VEZF1: variants seen among roughly 807,000 people sequenced by gnomAD.
VEZF1 encodes the protein putative transcription factor DB1.
VEZF1 carries 5 observed loss-of-function variants against 44.1 expected under a neutral mutation model. The observed-to-expected ratio is 0.11, with a 90% CI of 0.06 to 0.24. VEZF1 has a LOEUF of 0.24. Ranked by LOEUF, VEZF1 falls within the 10% of genes least tolerant of loss-of-function variation. The pLI, the probability that VEZF1 is intolerant of heterozygous loss-of-function variation, is 1.00. For synonymous variants in VEZF1, 236 were observed against 233.1 expected, an observed-to-expected ratio of 1.01 and a Z score of -0.11; for missense variants, 358 against 641.8, an observed-to-expected ratio of 0.56 and a Z score of 4.78.
Position 57,974,632 on chromosome 17 carries a change from G to A in VEZF1, c.1407C>T (p.Pro469=), listed in dbSNP as rs756981295. 36 of 1,614,110 alleles carry A rather than the reference G, an allele frequency of 2.2e-5. No individual in the cohort carries two copies. Among genetic ancestry groups the A allele is most frequent in the Middle Eastern group, 3.3e-4 (2 of 6,054 alleles). ...TLTTPVNLPT[P]VTAPVNIAHP... ...GTGCTATATTCACTGGGGCAGTGAC[G>A]GGGGTGGGGAGGTTGACTGGGGTAG... Residue 469 remains proline (P), a synonymous_variant, in exon 6 of 6, where the codon CCC becomes CCT. Transcript: ENST00000581208.
chr17:57,987,881 C>T (rs768015151), intron 1 of VEZF1, among the ~76,000 whole-genome samples, 198 bp downstream of exon 1: 19 of 151,796 alleles, frequency 1.3e-4, no homozygotes, highest in Admixed American at 7.2e-4. Context: ...GCTATCTCCC[C>T]CGCACCCCGT....
At chr17:57,975,657 G>A (rs2075182965) in intron 5 of VEZF1, among the ~76,000 whole-genome samples, 1 of 152,168 alleles carries the variant, frequency 6.6e-6, no homozygotes, top group Non-Finnish European at 1.5e-5. Flanking sequence ...TGTTTCTGAT[G>A]TTGACACAAT....
intron 1 of VEZF1, chr17:57,985,213 C>CT: frequency 8.3e-7 from 1 of 1,205,708 alleles, no homozygotes; most frequent in African/African-American, 1.6e-5. Context: ...TTTTTCAACT[C>CT]TAAACAACCA....
At chr17:57,987,461 G>T (rs1005970804) in intron 1 of VEZF1, among the ~76,000 whole-genome samples, 1 of 152,216 alleles carries the variant, frequency 6.6e-6, no homozygotes, top group African/African-American at 2.4e-5. Flanking sequence ...CCCCCCAACT[G>T]GGTAAACACG....
chr17:57,977,339 C>G (rs2075202072), intron 5 of VEZF1, among the ~76,000 whole-genome samples: 1 of 151,948 alleles, frequency 6.6e-6, no homozygotes, highest in Non-Finnish European at 1.5e-5. Context: ...CTTGCCCAGG[C>G]TGGTCTCAAA....
Position 57,973,562 on chromosome 17 carries a change from A to G in VEZF1, c.*911T>C, listed in dbSNP as rs1032005998. 2 of 152,580 alleles carry G rather than the reference A, an allele frequency of 1.3e-5. No homozygotes were observed. The highest frequency in any genetic ancestry group is 2.9e-5 in the Non-Finnish European group (2 of 68,032). 9.5% of individuals were successfully genotyped at this position (152,580 alleles called of 1,614,324 possible). ...GAGAGAGAGGGGCATATCACATCCC[A>G]GTGCCTCCAGCGTCTTCCAATTTAA... On this transcript the variant is annotated 3_prime_UTR_variant, in exon 6 of 6. Transcript: ENST00000581208.
intron 1 of VEZF1, chr17:57,985,181 A>C (rs748041532): frequency 3.3e-4 from 329 of 990,216 alleles, no homozygotes; most frequent in Non-Finnish European, 4.1e-4. Context: ...GACAAAGTTC[A>C]GACTTATAGC....
At chr17:57,975,817 A>T (rs962517263) in intron 5 of VEZF1, among the ~76,000 whole-genome samples, 5 of 152,048 alleles carry the variant, frequency 3.3e-5, no homozygotes, top group African/African-American at 4.8e-5. Context: ...TTTTTTTCTG[A>T]GACAGGGTCT....
chr17:57,974,854 C>A lies in VEZF1; in HGVS notation c.1185G>T (p.Val395=). Residue 395 remains valine (V), a synonymous_variant, in exon 6 of 6, where the codon GTG becomes GTT. Transcript: ENST00000581208. ...CQTSTAATTP[V]TLTTPFSITS... is the part of the protein sequence containing the mutation. The stretch of plus-strand genomic sequence containing the variant: ...TTATACTGAATGGAGTAGTGAGAGT[C>A]ACAGGTGTCGTAGCAGCCGTGGAGG... The A allele has an allele frequency of 6.2e-7, 1 of 1,614,118 alleles. No homozygotes were observed. The highest frequency in any genetic ancestry group is 1.1e-5 in the South Asian group (1 of 91,068).
chr17:57,980,511 AG>A (rs1453203084), intron 4 of VEZF1, 91 bp downstream of exon 4: 1 of 1,259,184 alleles, frequency 7.9e-7, no homozygotes, highest in Admixed American at 1.9e-5. Flanking sequence ...GAAACACGTA[AG>A]GTGAATATTA....
chr17:57,976,306 G>A (rs1194768262), intron 5 of VEZF1, among the ~76,000 whole-genome samples: 2 of 152,154 alleles, frequency 1.3e-5, no homozygotes, highest in Non-Finnish European at 2.9e-5. Flanking sequence ...GCCCTTACTT[G>A]ATCAATACAA....
At position 57,983,068 on chromosome 17, in the gene VEZF1, G is replaced by T; in HGVS notation, c.359C>A (p.Ala120Asp). The change falls in exon 2 of 6, where the codon GCT becomes GAT. Residue 120 changes from alanine (A) to aspartate (D), a missense_variant. Ala to Asp is a moderately radical substitution (Grantham distance 126). This residue lies in a region of VEZF1 where 117 missense variants were observed against 207.2 expected (regional missense o/e 0.56). Coordinates refer to ENST00000581208, the MANE Select transcript of VEZF1 (RefSeq NM_007146.3). Reference protein sequence around the residue: ...TTVVPLISTIAGDSSRTSLVS... With the variant: ...TTVVPLISTIDGDSSRTSLVS... Reference sequence around the variant, plus strand: ...CAACGAAGTTCGGCTGCTGTCCCCAGCGATGGTAGAGATAAGGGGAACCAC... The same window carrying T: ...CAACGAAGTTCGGCTGCTGTCCCCATCGATGGTAGAGATAAGGGGAACCAC... 6.2e-7 allele frequency: 1 copy of T among 1,614,194 alleles called. No individual in the cohort carries two copies. Among genetic ancestry groups the T allele is most frequent in the South Asian group, 1.1e-5 (1 of 91,082 alleles).
At chr17:57,979,978 A>C (rs1025726438) in intron 4 of VEZF1, among the ~76,000 whole-genome samples, 23 of 151,462 alleles carry the variant, frequency 1.5e-4, no homozygotes, top group African/African-American at 5.3e-4. Context: ...CTCAAAAAAA[A>C]AAAAAAAAAA....
At chr17:57,985,670 G>A (rs976342569) in intron 1 of VEZF1, among the ~76,000 whole-genome samples, 3 of 152,142 alleles carry the variant, frequency 2.0e-5, no homozygotes, top group Admixed American at 6.5e-5. Context: ...AAACAAAACA[G>A]AAATGTTATT....
At chr17:57,978,394 C>T (rs2075212861) in intron 5 of VEZF1, among the ~76,000 whole-genome samples, 1 of 152,168 alleles carries the variant, frequency 6.6e-6, no homozygotes, top group African/African-American at 2.4e-5. Flanking sequence ...ATTTACAAAT[C>T]TGTCCTTTGG....
chr17:57,979,225 A>C lies in VEZF1; in HGVS notation c.1065T>G (p.His355Gln). ...QQQQQQQQQQ[H>Q]VTSWPGKQVE... ...CTTGCTTCCCTGGCCAGCTTGTCAC[A>C]TGTTGTTGTTGTTGTTGTTGCTGCT... is the stretch of plus-strand genomic sequence containing the variant. The change falls in exon 5 of 6, where the codon CAT (histidine) becomes CAG (glutamine). Residue 355 changes from histidine (H) to glutamine (Q), a missense_variant. By Grantham distance (24) the His-to-Gln change is conservative. Coordinates refer to ENST00000581208, the MANE Select transcript of VEZF1 (RefSeq NM_007146.3). 6.2e-7 allele frequency: 1 copy of C among 1,610,302 alleles called. No individual in the cohort carries two copies. The highest frequency in any genetic ancestry group is 8.5e-7 in the Non-Finnish European group (1 of 1,178,466).
At position 57,983,407 on chromosome 17, in the gene VEZF1, T is replaced by C; in HGVS notation, c.34-14A>G. Reference sequence around the variant, plus strand: ...AGCTTCATGGGCCTAAAACCAAACATTTACACTTCAGAAACTCAGCCTCTC... The same window carrying C: ...AGCTTCATGGGCCTAAAACCAAACACTTACACTTCAGAAACTCAGCCTCTC... On this transcript the variant is annotated splice_polypyrimidine_tract_variant and intron_variant, in intron 1 of 5. Transcript: ENST00000581208. The C allele has an allele frequency of 6.3e-7, 1 of 1,581,286 alleles. No homozygotes were observed. Among genetic ancestry groups the C allele is most frequent in the Non-Finnish European group, 8.5e-7 (1 of 1,169,642 alleles).
chr17:57,980,832 C>A, intron 3 of VEZF1, 46 bp from the exon 4 acceptor site: 1 of 1,594,410 alleles, frequency 6.3e-7, no homozygotes, highest in South Asian at 1.1e-5. Flanking sequence ...CTATCCTGTT[C>A]TACTCATTTT....
In VEZF1 at chr17:57,973,499, C is replaced by T. The variant is rs1250248733; in HGVS notation, c.*974G>A. ...CATAAACTCTAGTGAGCAACTAACA[C>T]ATCTGTCCCTGTTGTAATATCAACA... On this transcript the variant is annotated 3_prime_UTR_variant, in exon 6 of 6. Coordinates refer to ENST00000581208, the MANE Select transcript of VEZF1 (RefSeq NM_007146.3). 1 of 152,640 alleles carries T rather than the reference C, an allele frequency of 6.6e-6. No individual in the cohort carries two copies. Among genetic ancestry groups the T allele is most frequent in the Admixed American group, 6.5e-5 (1 of 15,286 alleles). 9.5% of individuals were successfully genotyped at this position (152,640 alleles called of 1,614,324 possible). A position where few individuals can be genotyped will look rare whatever the true frequency, so the allele number is the denominator to read the frequency against.
Sources: allele counts gnomAD v4.1 joint callset (sites outside exome capture counted in the v4.1 genomes callset), GRCh38; gene constraint gnomAD v4.1.1; regional missense constraint gnomAD v4.1.1; transcripts MANE v1.5; gene names NCBI Gene and HGNC (gene_info 2026-07-23, HGNC 2026-07-21).